HECW2: variants seen among roughly 807,000 people sequenced by gnomAD.
HECW2 encodes E3 ubiquitin-protein ligase HECW2.
A neutral mutation model predicts 175.2 loss-of-function variants in HECW2; 61 were observed. That is an observed-to-expected ratio of 0.35 (90% CI 0.28 to 0.43). HECW2 has a LOEUF of 0.43. Ranked by LOEUF, HECW2 falls within the 20% of genes least tolerant of loss-of-function variation. HECW2 has a pLI of 1.00. For synonymous variants in HECW2, 671 were observed against 731.0 expected (o/e 0.92, Z 1.32); for missense variants, 1,524 against 2,000.5 (o/e 0.76, Z 4.54).
rs574816879 is a variant in HECW2, at chr2:196,457,636, G to A, written c.-35-24178C>T. ...TTACTACTACTGTGACCTTATGTAA[G>A]TCAACCACACTGGTCCTTTATATTC... On this transcript the variant is annotated intron_variant, in intron 1 of 28. Coordinates refer to ENST00000644978, the MANE Select transcript of HECW2 (RefSeq NM_001348768.2). Among the ~76,000 whole-genome samples the A allele has an allele frequency of 4.6e-5, 7 of 152,202 alleles. No individual in the cohort carries two copies. The East Asian group carries it at 7.7e-4, about 17-fold the overall frequency.
chr2:196,527,390 T>G (rs1041776027), intron 1 of HECW2, among the ~76,000 whole-genome samples: 2 of 152,210 alleles, frequency 1.3e-5, no homozygotes, highest in African/African-American at 4.8e-5. Context: ...CACTCCCTAG[T>G]GAGATGAACC....
chr2:196,239,291 G>A (rs1559456602), intron 21 of HECW2: 1 of 152,246 alleles, frequency 6.6e-6, no homozygotes, highest in Admixed American at 6.5e-5. Context: ...GAAGTTATCA[G>A]TCATTAGCTG....
chr2:196,439,122 T>G (rs2125285632), intron 1 of HECW2, among the ~76,000 whole-genome samples: 1 of 152,354 alleles, frequency 6.6e-6, no homozygotes, highest in South Asian at 2.1e-4. Flanking sequence ...GGAAGTAATT[T>G]TAATGTACCA....
intron 1 of HECW2, among the ~76,000 whole-genome samples, chr2:196,527,999 A>T (rs894151538): frequency 6.6e-6 from 1 of 152,214 alleles, no homozygotes; most frequent in African/African-American, 2.4e-5. Context: ...AGCCCATAAA[A>T]GATTGAGTGA....
rs570534223 is a variant in HECW2 at position 196,449,648 on chromosome 2, A to G, written c.-35-16190T>C. Among the ~76,000 whole-genome samples, 8 of 152,344 alleles carry G rather than the reference A, an allele frequency of 5.3e-5. No homozygotes were observed. In the South Asian group the frequency reaches 1.4e-3, roughly 28 times the overall value. On this transcript the variant is annotated intron_variant, in intron 1 of 28. Coordinates refer to ENST00000644978, the MANE Select transcript of HECW2 (RefSeq NM_001348768.2). ...AAAATCTATTCAAAGAAATAAATCC[A>G]TTCAGTTTATAAATAAATTATTTTT...
rs369152170 is a variant in HECW2 at position 196,520,527 on chromosome 2, T to C, written c.-36+72981A>G. The stretch of plus-strand genomic sequence containing the variant: ...AGGGCTTTTAAGACAGGTTGCATAT[T>C]TGTTTTTACATTCTTGCTAATAAAC... On this transcript the variant is annotated intron_variant, in intron 1 of 28. Coordinates refer to ENST00000644978, the MANE Select transcript of HECW2 (RefSeq NM_001348768.2). 1.6e-4 allele frequency among the ~76,000 whole-genome samples: 24 copies of C among 152,336 alleles called. No individual in the cohort carries two copies. The East Asian group carries it at 4.6e-3, about 29-fold the overall frequency.
intron 14 of HECW2, chr2:196,290,766 C>T (rs998240997): frequency 2.6e-5 from 4 of 152,190 alleles, no homozygotes; most frequent in Non-Finnish European, 4.4e-5. Context: ...ATAGTACCAG[C>T]AAAGCCATAT....
chr2:196,520,386 C>T (rs1046373977), intron 1 of HECW2, among the ~76,000 whole-genome samples: 7 of 152,132 alleles, frequency 4.6e-5, no homozygotes, highest in Non-Finnish European at 1.0e-4. Flanking sequence ...GTCTACCCAA[C>T]CCTACGTAGT....
intron 4 of HECW2, among the ~76,000 whole-genome samples, 165 bp downstream of exon 4, chr2:196,334,259 G>A (rs181833564): frequency 4.3e-4 from 65 of 152,276 alleles, no homozygotes; most frequent in African/African-American, 1.5e-3. Flanking sequence ...AGGGATTCAG[G>A]TGTGCCAACC....
intron 2 of HECW2, among the ~76,000 whole-genome samples, chr2:196,387,874 C>T (rs528504575): frequency 6.6e-6 from 1 of 152,114 alleles, no homozygotes; most frequent in Non-Finnish European, 1.5e-5. Context: ...ATTTAGCAAC[C>T]TCCGTATTTC....
At chr2:196,312,705 T>C (rs1416751309) in intron 10 of HECW2, among the ~76,000 whole-genome samples, 1 of 152,220 alleles carries the variant, frequency 6.6e-6, no homozygotes, top group East Asian at 1.9e-4. Flanking sequence ...TCTTTTCTGC[T>C]ATTTTATTTG....
chr2:196,212,749 T>C (rs73052448), intron 28 of HECW2, among the ~76,000 whole-genome samples: 16,798 of 152,186 alleles, frequency 0.11, 1,801 homozygotes, highest in African/African-American at 0.28. Flanking sequence ...TTTCTGTTTT[T>C]AGATCTTTGA....
chr2:196,464,918 T>C (rs185286666), intron 1 of HECW2, among the ~76,000 whole-genome samples: 2 of 152,260 alleles, frequency 1.3e-5, no homozygotes, highest in Non-Finnish European at 2.9e-5. Context: ...GGCGCACACC[T>C]ATAATCCCAG....
intron 3 of HECW2, among the ~76,000 whole-genome samples, chr2:196,336,928 C>CACAG (rs140650722): frequency 0.22 from 32,999 of 151,434 alleles, 4,143 homozygotes; most frequent in African/African-American, 0.35. Context: ...AAACCACACA[C>CACAG]GCTGGTCACT....
chr2:196,254,150 C>A, intron 18 of HECW2, 121 bp from the exon 19 acceptor site: 4 of 1,400,338 alleles, frequency 2.9e-6, no homozygotes, highest in South Asian at 1.4e-5. Context: ...GAGCATCCGC[C>A]CCCTTTCTCT....
intron 15 of HECW2, among the ~76,000 whole-genome samples, chr2:196,277,872 A>G (rs56001230): frequency 0.72 from 107,109 of 148,632 alleles, 40,301 homozygotes; most frequent in East Asian, 0.98. Context: ...GCAAACTATC[A>G]CAAGAACAAA....
chr2:196,210,523 A>G (rs1425117741), intron 28 of HECW2, among the ~76,000 whole-genome samples: 2 of 152,084 alleles, frequency 1.3e-5, no homozygotes, highest in Non-Finnish European at 2.9e-5. Flanking sequence ...GGATTGATAC[A>G]TATGTAGGTA....
chr2:196,278,765 A>G (rs1690074919), intron 14 of HECW2, 103 bp from the exon 15 acceptor site: 2 of 1,287,804 alleles, frequency 1.6e-6, no homozygotes, highest in Non-Finnish European at 2.2e-6. Flanking sequence ...TCACAATCTT[A>G]GCTCTATTTT....
intron 1 of HECW2, among the ~76,000 whole-genome samples, chr2:196,585,762 A>AT (rs1320413074): frequency 1.3e-5 from 2 of 152,202 alleles, no homozygotes; most frequent in Non-Finnish European, 2.9e-5. Flanking sequence ...CAATACCACT[A>AT]TAAGACCAGA....
Sources: allele counts gnomAD v4.1 joint callset (sites outside exome capture counted in the v4.1 genomes callset), GRCh38; gene constraint gnomAD v4.1.1; transcripts MANE v1.5; gene names NCBI Gene and HGNC (gene_info 2026-07-23, HGNC 2026-07-21).